SLC35A3: variants seen among roughly 807,000 people sequenced by gnomAD.
SLC35A3 encodes solute carrier family 35 member A3.
SLC35A3 carries 26 observed loss-of-function variants against 39.0 expected under a neutral mutation model. The observed-to-expected ratio is 0.67, with a 90% CI of 0.49 to 0.92. The LOEUF is 0.92. SLC35A3 is among the 40% of genes least tolerant of loss of function. The pLI is 0.00. For missense variants in SLC35A3, 299 were observed against 371.6 expected, an observed-to-expected ratio of 0.80 and a Z score of 1.61; for synonymous variants, 135 against 133.1, an observed-to-expected ratio of 1.01 and a Z score of -0.10.
chr1:100,019,525 A>T (rs1183702028), intron 7 of SLC35A3, among the ~76,000 whole-genome samples: 2 of 152,212 alleles, frequency 1.3e-5, no homozygotes, highest in Non-Finnish European at 2.9e-5. Context: ...CTTTGTGGAG[A>T]ATACATTTTC....
intron 5 of SLC35A3, 24 bp downstream of exon 5, chr1:100,011,557 A>T (rs751046518): frequency 1.0e-6 from 1 of 963,792 alleles, no homozygotes; most frequent in Non-Finnish European, 1.5e-6. Context: ...GTTTTCTAAT[A>T]TTATTTTAAA....
At chr1:100,007,333 A>C in intron 4 of SLC35A3, 177 bp downstream of exon 4, 1 of 504,928 alleles carries the variant, frequency 2.0e-6, no homozygotes, top group Non-Finnish European at 3.4e-6. Flanking sequence ...GAGTGTAAGT[A>C]ATACAGAGGA....
chr1:100,001,665 C>T (rs897772744), intron 3 of SLC35A3, among the ~76,000 whole-genome samples: 1 of 152,096 alleles, frequency 6.6e-6, no homozygotes, highest in East Asian at 1.9e-4. Flanking sequence ...TTGACTTCCT[C>T]TTTTCCAGTT....
chr1:99,982,003 C>A (rs201092148), intron 1 of SLC35A3, among the ~76,000 whole-genome samples: 4 of 125,834 alleles, frequency 3.2e-5, no homozygotes, highest in Non-Finnish European at 6.9e-5. Context: ...AGGATGTATT[C>A]TTTTTTTTTT....
At chr1:100,016,111 C>G (rs1414982888) in intron 6 of SLC35A3, among the ~76,000 whole-genome samples, 2 of 144,554 alleles carry the variant, frequency 1.4e-5, no homozygotes, top group African/African-American at 5.2e-5. Flanking sequence ...TGTCACCAGG[C>G]TGGAGTGCAG....
intron 2 of SLC35A3, among the ~76,000 whole-genome samples, chr1:99,994,154 G>A (rs1658251153): frequency 6.6e-6 from 1 of 151,922 alleles, no homozygotes; most frequent in Non-Finnish European, 1.5e-5. Flanking sequence ...TAATTCATGA[G>A]CCATACAATT....
intron 1 of SLC35A3, among the ~76,000 whole-genome samples, chr1:99,987,388 G>A (rs1043483224): frequency 6.6e-6 from 1 of 151,968 alleles, no homozygotes; most frequent in African/African-American, 2.4e-5. Flanking sequence ...TTCAATTTTT[G>A]TCTCTGAAAG....
At chr1:99,985,574 T>G (rs931687528) in intron 1 of SLC35A3, among the ~76,000 whole-genome samples, 3 of 152,186 alleles carry the variant, frequency 2.0e-5, no homozygotes, top group African/African-American at 7.2e-5. Context: ...CATATGAATT[T>G]TAGGATTGTT....
chr1:100,011,531 T>A lies in SLC35A3; in HGVS notation c.632T>A (p.Leu211His). The change falls in exon 5 of 8, where the codon CTT (leucine) becomes CAT (histidine). Residue 211 changes from leucine (L) to histidine (H), a missense_variant and splice_region_variant. Leu to His is a moderately conservative substitution (Grantham distance 99). Coordinates refer to ENST00000533028, the MANE Select transcript of SLC35A3 (RefSeq NM_012243.3). ...TCAGTGTGGATAAGAAATATTCAGC[T>A]TGGTAAGTTTTAAATGTTTTCTAAT... Reference protein sequence around the residue: ...KQSVWIRNIQLGFFGSIFGLM... With the variant: ...KQSVWIRNIQHGFFGSIFGLM... The A allele has an allele frequency of 7.6e-7, 1 of 1,315,626 alleles. No homozygotes were observed. Among genetic ancestry groups the A allele is most frequent in the Middle Eastern group, 1.9e-4 (1 of 5,174 alleles). The allele number at this position is 1,315,626 out of a possible 1,614,324, so 81.5% of individuals were successfully genotyped here.
intron 3 of SLC35A3, among the ~76,000 whole-genome samples, chr1:100,006,070 G>T (rs1339617945): frequency 6.6e-6 from 1 of 152,186 alleles, no homozygotes; most frequent in Middle Eastern, 3.2e-3. Context: ...CTGGGTGGGT[G>T]CAGTAATATA....
At position 100,017,680 on chromosome 1, in the gene SLC35A3, A is replaced by G. The variant is rs1352117087; in HGVS notation, c.754-2A>G. On this transcript the variant is annotated splice_acceptor_variant, in intron 6 of 7. Coordinates refer to ENST00000533028, the MANE Select transcript of SLC35A3 (RefSeq NM_012243.3). LOFTEE classifies it high-confidence loss of function. ...TTAAAAAATATTTTTTTAAAACTTC[A>G]GGCACTTGGAGGCCTTGTAATAGCT... is the stretch of plus-strand genomic sequence containing the variant. The G allele has an allele frequency of 6.6e-7, 1 of 1,525,538 alleles. No homozygotes were observed. The allele number at this position is 1,525,538 out of a possible 1,614,324, so 94.5% of individuals were successfully genotyped here. A position where few individuals can be genotyped will look rare whatever the true frequency, so the allele number is the denominator to read the frequency against.
chr1:99,976,554 A>G (rs1287681770), intron 1 of SLC35A3, among the ~76,000 whole-genome samples: 1 of 152,228 alleles, frequency 6.6e-6, no homozygotes, highest in Non-Finnish European at 1.5e-5. Context: ...AAGACATAGA[A>G]TCAATCTAGA....
intron 3 of SLC35A3, among the ~76,000 whole-genome samples, chr1:100,004,649 A>G (rs1659072984): frequency 6.6e-6 from 1 of 152,042 alleles, no homozygotes; most frequent in South Asian, 2.1e-4. Context: ...CTTATCTAGG[A>G]AAGACTTTAT....
chr1:99,992,449 G>A (rs966026922), intron 1 of SLC35A3, among the ~76,000 whole-genome samples: 3 of 151,022 alleles, frequency 2.0e-5, no homozygotes, highest in Non-Finnish European at 4.4e-5. Context: ...ACCTATATAT[G>A]TCTTCATATT....
chr1:99,984,624 G>A (rs1271675586), intron 1 of SLC35A3, among the ~76,000 whole-genome samples: 1 of 152,162 alleles, frequency 6.6e-6, no homozygotes, highest in Non-Finnish European at 1.5e-5. Context: ...GGATCAAATG[G>A]TAGTTCTACT....
Position 100,026,287 on chromosome 1 carries a change from G to C in SLC35A3, c.*3811G>C, listed in dbSNP as rs1557853301. The C allele has an allele frequency of 6.6e-6, 1 of 152,014 alleles. No individual in the cohort carries two copies. The highest frequency in any genetic ancestry group is 6.6e-5 in the Admixed American group (1 of 15,262). 9.4% of individuals were successfully genotyped at this position (152,014 alleles called of 1,614,324 possible). ...ACATTATAATATTTAATTATCATGG[G>C]TGTATGCTTTACATAAAAAAGGTTT... On this transcript the variant is annotated 3_prime_UTR_variant, in exon 8 of 8. Transcript: ENST00000533028.
intron 2 of SLC35A3, 67 bp from the exon 3 acceptor site, chr1:99,999,194 C>A: frequency 2.9e-6 from 3 of 1,023,658 alleles, no homozygotes; most frequent in Non-Finnish European, 1.3e-6. Context: ...AAATTGAGAT[C>A]TTGAGAGCAG....
At chr1:99,970,959 G>C (rs1656770622) in intron 1 of SLC35A3, among the ~76,000 whole-genome samples, 1 of 152,078 alleles carries the variant, frequency 6.6e-6, no homozygotes, top group South Asian at 2.1e-4. Context: ...TATCTCTTCA[G>C]CATCTCAAAT....
intron 1 of SLC35A3, chr1:99,970,587 C>T (rs1224504134): frequency 9.8e-6 from 15 of 1,535,970 alleles, no homozygotes; most frequent in Non-Finnish European, 5.2e-6. Flanking sequence ...ATGCACCCGA[C>T]CAGCACCTGG....
Sources: allele counts gnomAD v4.1 joint callset (sites outside exome capture counted in the v4.1 genomes callset), GRCh38; gene constraint gnomAD v4.1.1; transcripts MANE v1.5; gene names NCBI Gene and HGNC (gene_info 2026-07-23, HGNC 2026-07-21).